Variants in SHISA6 observed in about 807,000 individuals in gnomAD.
SHISA6 encodes protein shisa-6.
SHISA6 carries 22 observed loss-of-function variants against 47.9 expected under a neutral mutation model. The observed-to-expected ratio is 0.46, with a 90% CI of 0.33 to 0.66. SHISA6 has a LOEUF of 0.66. Ranked by LOEUF, SHISA6 falls within the 30% of genes least tolerant of loss-of-function variation. SHISA6 has a pLI of 0.02. For missense variants in SHISA6, 680 were observed against 764.6 expected, an observed-to-expected ratio of 0.89 and a Z score of 1.30; for synonymous variants, 388 against 337.8, an observed-to-expected ratio of 1.15 and a Z score of -1.63.
chr17:11,479,073 A>T (rs538167120), intron 3 of SHISA6, among the ~76,000 whole-genome samples: 1 of 152,172 alleles, frequency 6.6e-6, no homozygotes, highest in East Asian at 1.9e-4. Context: ...CTACTTTTTT[A>T]AAAACCTTTT....
chr17:11,309,542 C>G (rs2142185027), intron 2 of SHISA6, among the ~76,000 whole-genome samples: 1 of 152,262 alleles, frequency 6.6e-6, no homozygotes, highest in Non-Finnish European at 1.5e-5. Flanking sequence ...CTCTTACTTT[C>G]TGATGCTTTG....
intron 3 of SHISA6, among the ~76,000 whole-genome samples, chr17:11,522,475 AG>A (rs1445820034): frequency 2.6e-5 from 4 of 152,092 alleles, no homozygotes; most frequent in South Asian, 2.1e-4. Flanking sequence ...TTGGGATATC[AG>A]GGGGATTTGG....
chr17:11,558,057 C>T lies in SHISA6; in HGVS notation c.1409C>T (p.Ser470Leu), dbSNP rs542340805. The change falls in exon 6 of 6, where the codon TCG (serine) becomes TTG (leucine). Residue 470 changes from serine (S) to leucine (L), a missense_variant. Around this residue, in one of 2 missense-constraint regions of SHISA6, gnomAD observed 559 missense variants for 674.1 expected, o/e 0.83. Coordinates refer to ENST00000441885, the MANE Select transcript of SHISA6 (RefSeq NM_207386.4). ...GAGCGGACGGCCTTTCCCGAGCAGT[C>T]GCTGTCCAGGGCCATCTCGCACACG... ...SPERTAFPEQSLSRAISHTDV... is the reference protein window; with the variant it reads ...SPERTAFPEQLLSRAISHTDV... The T allele has an allele frequency of 6.4e-6, 10 of 1,551,684 alleles. No individual in the cohort carries two copies. The East Asian group carries it at 1.7e-4, about 27-fold the overall frequency.
In SHISA6 at chr17:11,561,895, G is replaced by A. The variant is rs972922316; in HGVS notation, c.*3591G>A. 6.6e-6 allele frequency: 1 copy of A among 152,206 alleles called. No homozygotes were observed. 9.4% of individuals were successfully genotyped at this position (152,206 alleles called of 1,614,324 possible). A position where few individuals can be genotyped will look rare whatever the true frequency, so the allele number is the denominator to read the frequency against. ...CTGTGAGTTGATACCCCAGTGCACG[G>A]AGCCAAGGGCTTTTCCCCTCTGAGC... On this transcript the variant is annotated 3_prime_UTR_variant, in exon 6 of 6. Coordinates refer to ENST00000441885, the MANE Select transcript of SHISA6 (RefSeq NM_207386.4).
chr17:11,342,899 A>G (rs1157947429), intron 2 of SHISA6, among the ~76,000 whole-genome samples: 1 of 152,218 alleles, frequency 6.6e-6, no homozygotes, highest in Non-Finnish European at 1.5e-5. Flanking sequence ...TTCTCCAGAT[A>G]CAGAATCAGG....
chr17:11,303,880 G>A (rs929471968), intron 2 of SHISA6, among the ~76,000 whole-genome samples: 1 of 152,202 alleles, frequency 6.6e-6, no homozygotes, highest in Non-Finnish European at 1.5e-5. Context: ...CTCCAGTTGT[G>A]TTTCTAGGGT....
At chr17:11,446,294 T>C (rs1354628891) in intron 3 of SHISA6, among the ~76,000 whole-genome samples, 1 of 152,132 alleles carries the variant, frequency 6.6e-6, no homozygotes, top group African/African-American at 2.4e-5. Flanking sequence ...GTCCCATGAC[T>C]CTACATGTGA....
intron 3 of SHISA6, among the ~76,000 whole-genome samples, chr17:11,466,910 C>G (rs1264960072): frequency 6.6e-6 from 1 of 152,148 alleles, no homozygotes; most frequent in African/African-American, 2.4e-5. Context: ...CAGGGCTGCT[C>G]TCTACTCAGG....
intron 3 of SHISA6, among the ~76,000 whole-genome samples, chr17:11,505,166 G>A (rs1052182509): frequency 6.6e-5 from 10 of 152,214 alleles, no homozygotes; most frequent in African/African-American, 2.4e-4. Flanking sequence ...AGAAAGTCCA[G>A]CGATCGCTGT....
intron 3 of SHISA6, among the ~76,000 whole-genome samples, chr17:11,437,263 C>T (rs917465964): frequency 2.6e-5 from 4 of 152,130 alleles, no homozygotes; most frequent in Admixed American, 2.6e-4. Context: ...TGCCCCAGGA[C>T]CATTCACTTT....
At chr17:11,377,769 T>G (rs1177008887) in intron 2 of SHISA6, among the ~76,000 whole-genome samples, 1 of 152,202 alleles carries the variant, frequency 6.6e-6, no homozygotes, top group Non-Finnish European at 1.5e-5. Context: ...ACTAAGGCAG[T>G]GGTTCTCATT....
chr17:11,458,360 G>A (rs111776133), intron 3 of SHISA6, among the ~76,000 whole-genome samples: 25 of 152,220 alleles, frequency 1.6e-4, no homozygotes, highest in Non-Finnish European at 3.2e-4. Context: ...CTCTCTCTTT[G>A]TTCTTCACTC....
intron 3 of SHISA6, among the ~76,000 whole-genome samples, chr17:11,524,403 C>G (rs1004672320): frequency 6.6e-6 from 1 of 151,984 alleles, no homozygotes; most frequent in Non-Finnish European, 1.5e-5. Context: ...AAATTAGCAG[C>G]ATGTTTTTAA....
chr17:11,333,597 C>T (rs866376450), intron 2 of SHISA6, among the ~76,000 whole-genome samples: 11 of 152,142 alleles, frequency 7.2e-5, no homozygotes, highest in Admixed American at 4.6e-4. Context: ...TCACTGCAAT[C>T]TCCGCCTCCC....
chr17:11,498,262 G>C (rs1053904397), intron 3 of SHISA6, among the ~76,000 whole-genome samples: 1 of 152,172 alleles, frequency 6.6e-6, no homozygotes, highest in Non-Finnish European at 1.5e-5. Context: ...CCTTCCCTGA[G>C]CTAGTCCTTC....
At chr17:11,524,405 TG>T (rs2071657863) in intron 3 of SHISA6, among the ~76,000 whole-genome samples, 1 of 152,130 alleles carries the variant, frequency 6.6e-6, no homozygotes, top group South Asian at 2.1e-4. Flanking sequence ...ATTAGCAGCA[TG>T]TTTTTAAAAA....
intron 3 of SHISA6, among the ~76,000 whole-genome samples, chr17:11,429,552 G>A (rs1195515355): frequency 2.0e-5 from 3 of 151,628 alleles, no homozygotes; most frequent in Admixed American, 6.6e-5. Flanking sequence ...AGGCCAAGGC[G>A]GGTGGATCTC....
At position 11,241,701 on chromosome 17, in the gene SHISA6, G is replaced by A. The variant is rs1393172362; in HGVS notation, c.279G>A (p.Thr93=). The A allele has an allele frequency of 2.6e-6, 4 of 1,537,206 alleles. No individual in the cohort carries two copies. Among genetic ancestry groups the A allele is most frequent in the East Asian group, 4.9e-5 (2 of 40,876 alleles). ...AAASAAVTYE[T]CWGYYDVSGQ... ...CCAGCGCGGCCGTCACCTACGAGAC[G>A]TGCTGGGGCTACTACGACGTGAGCG... is the stretch of plus-strand genomic sequence containing the variant. Residue 93 remains threonine, a synonymous_variant, in exon 1 of 6, where the codon ACG becomes ACA. Transcript: ENST00000441885. The surrounding 1 kb of genome is among the most constrained non-coding windows in gnomAD (Gnocchi z 5.5).
At position 11,397,395 on chromosome 17, in the gene SHISA6, C is replaced by CTGTGTGTGTGTGTGTGTGTG. The variant is rs3034221; in HGVS notation, c.895+17902_895+17921dup. Among the ~76,000 whole-genome samples, 1,040 of 140,468 alleles carry CTGTGTGTGTGTGTGTGTGTG rather than the reference C, an allele frequency of 7.4e-3. 11 individuals are homozygous for CTGTGTGTGTGTGTGTGTGTG. The highest frequency in any genetic ancestry group is 0.014 in the Middle Eastern group (4 of 290). The allele number at this position is 140,468 out of a possible 152,430, so 92.2% of individuals were successfully genotyped here. ...TAAATGTCTACTCTCTTACCTGCCT[C>CTGTGTGTGTGTGTGTGTGTG]TGTGTGTGTGTGTGTGTGTGTGTGT... On this transcript the variant is annotated intron_variant, in intron 3 of 5. Coordinates refer to ENST00000441885, the MANE Select transcript of SHISA6 (RefSeq NM_207386.4).
Sources: gnomAD v4.1 joint callset for allele counts (sites outside exome capture counted in the v4.1 genomes callset) on GRCh38, gnomAD v4.1.1 for gene constraint, gnomAD v4.1.1 regional missense constraint, Gnocchi (gnomAD v3.1) non-coding constraint, MANE v1.5 for transcripts, NCBI Gene and HGNC (gene_info 2026-07-23, HGNC 2026-07-21) for gene names.